The following SLC6A14 variants were observed in gnomAD, a reference collection of about 807,000 sequenced individuals.
SLC6A14 encodes sodium- and chloride-dependent neutral and basic amino acid transporter B(0+).
A neutral mutation model predicts 51.4 loss-of-function variants in SLC6A14; 21 were observed. The ratio of observed to expected loss-of-function variants is 0.41; its 90% CI spans 0.29 to 0.59. The LOEUF (loss-of-function observed/expected upper bound fraction) is 0.59, where lower values mean the gene tolerates loss of function less well. Ranked by LOEUF, SLC6A14 falls within the 20% of genes least tolerant of loss-of-function variation. The pLI, the probability that SLC6A14 is intolerant of heterozygous loss-of-function variation, is 0.31. For synonymous variants in SLC6A14, 177 were observed against 160.7 expected (o/e 1.10, Z -0.77); for missense variants, 371 against 472.8 (o/e 0.78, Z 2.00).
At chrX:116,436,823 A>G in intron 1 of SLC6A14, 66 bp downstream of exon 1, 1 of 1,033,616 alleles carries the variant, frequency 9.7e-7, no homozygotes, top group Non-Finnish European at 1.3e-6. Context: ...GGGGGTTGCT[A>G]GTCTCAGTTT....
Position 116,458,872 on chromosome X carries a change from G to A in SLC6A14, c.1846G>A (p.Glu616Lys), listed in dbSNP as rs371324045. The change falls in exon 14 of 14, where the codon GAA (glutamate) becomes AAA (lysine). Residue 616 changes from glutamate to lysine, a missense_variant. This residue lies in a region of SLC6A14 where 94 missense variants were observed against 81.0 expected (regional missense o/e 1.16). Transcript: ENST00000598581. ...TCCATACCTGGAACAACATCGTGGG[G>A]AAAGATATAAAGACATGGTAGATCC... is the stretch of plus-strand genomic sequence containing the variant. ...WGPYLEQHRG[E>K]RYKDMVDPKK... 146 of 1,201,438 alleles carry A rather than the reference G, an allele frequency of 1.2e-4. No homozygotes were observed. Among genetic ancestry groups the A allele is most frequent in the Admixed American group, 2.4e-4 (11 of 45,002 alleles).
At chrX:116,445,650 G>A (rs1714629149) in intron 6 of SLC6A14, among the ~76,000 whole-genome samples, 1 of 111,334 alleles carries the variant, frequency 9.0e-6, no homozygotes, top group Admixed American at 9.6e-5. Context: ...AAAACATTCT[G>A]TTATATTTTC....
intron 12 of SLC6A14, among the ~76,000 whole-genome samples, chrX:116,455,797 A>G (rs1411883383): frequency 9.0e-6 from 1 of 111,656 alleles, no homozygotes; most frequent in Non-Finnish European, 1.9e-5. Context: ...TTGAGCCATC[A>G]ATAATATTCC....
chrX:116,452,441 G>A (rs1927842268), intron 8 of SLC6A14, among the ~76,000 whole-genome samples: 1 of 111,233 alleles, frequency 9.0e-6, no homozygotes, highest in Non-Finnish European at 1.9e-5. Context: ...TTAAAACTGA[G>A]GATCACATAA....
At position 116,459,860 on chromosome X, in the gene SLC6A14, G is replaced by A. The variant is rs1556695040; in HGVS notation, c.*905G>A. The A allele has an allele frequency of 1.8e-5, 2 of 111,954 alleles. No individual in the cohort carries two copies. The highest frequency in any genetic ancestry group is 3.8e-5 in the Non-Finnish European group (2 of 53,056). The allele number at this position is 111,954 out of a possible 1,213,427, so 9.2% of individuals were successfully genotyped here. A position where few individuals can be genotyped will look rare whatever the true frequency, so the allele number is the denominator to read the frequency against. On this transcript the variant is annotated 3_prime_UTR_variant, in exon 14 of 14. Coordinates refer to ENST00000598581, the MANE Select transcript of SLC6A14 (RefSeq NM_007231.5). ...CATTTTATTACTGTAATACAGGGCTGATAGAGTGATTTTGTCTTATATGAG... is the reference window on the plus strand; with the variant it reads ...CATTTTATTACTGTAATACAGGGCTAATAGAGTGATTTTGTCTTATATGAG...
intron 6 of SLC6A14, 122 bp downstream of exon 6, chrX:116,445,172 G>C (rs1927681599): frequency 3.0e-6 from 2 of 673,473 alleles, no homozygotes. Flanking sequence ...TGTGTGAAAA[G>C]CTTTCTAAAT....
chrX:116,439,505 A>G (rs889584438), intron 2 of SLC6A14, among the ~76,000 whole-genome samples: 1 of 111,647 alleles, frequency 9.0e-6, no homozygotes, highest in Non-Finnish European at 1.9e-5. Context: ...ACAGTTTATT[A>G]AAGAGAAGTG....
Position 116,461,015 on chromosome X carries a change from C to T in SLC6A14, c.*2060C>T, listed in dbSNP as rs193240248. 1.3e-4 allele frequency: 15 copies of T among 111,484 alleles called. No homozygotes were observed. The highest frequency in any genetic ancestry group is 4.6e-4 in the African/African-American group (14 of 30,675). 9.2% of individuals were successfully genotyped at this position (111,484 alleles called of 1,213,427 possible). A position where few individuals can be genotyped will look rare whatever the true frequency, so the allele number is the denominator to read the frequency against. ...GAAATACTTTTCCTTAATTTTAATC[C>T]ACAGTATGTTACATGCATTCTACCA... On this transcript the variant is annotated 3_prime_UTR_variant, in exon 14 of 14. Transcript: ENST00000598581.
intron 12 of SLC6A14, 150 bp from the exon 13 acceptor site, chrX:116,457,459 G>A: frequency 2.3e-6 from 1 of 442,335 alleles, no homozygotes. Context: ...TTATCTTCTG[G>A]CTTGTTACCT....
rs991724103 is a variant in SLC6A14 at position 116,459,086 on chromosome X, A to G, written c.*131A>G. ...TTCATGATAGTGTGATTTTTTTCAC[A>G]TTTAAGCAGGAATGCAATATAAAAA... is the stretch of plus-strand genomic sequence containing the variant. On this transcript the variant is annotated 3_prime_UTR_variant, in exon 14 of 14. Transcript: ENST00000598581. The G allele has an allele frequency of 8.2e-6, 4 of 488,016 alleles. No homozygotes were observed. Among genetic ancestry groups the G allele is most frequent in the Non-Finnish European group, 1.3e-5 (4 of 309,949 alleles). 40.2% of individuals were successfully genotyped at this position (488,016 alleles called of 1,213,427 possible). A position where few individuals can be genotyped will look rare whatever the true frequency, so the allele number is the denominator to read the frequency against.
At chrX:116,446,922 A>G in intron 7 of SLC6A14, 41 bp downstream of exon 7, 2 of 1,122,494 alleles carry the variant, frequency 1.8e-6, no homozygotes, top group Non-Finnish European at 2.4e-6. Context: ...GAGGAGGTAA[A>G]TCTTAAAAGT....
chrX:116,446,634 T>G, intron 6 of SLC6A14, 107 bp from the exon 7 acceptor site: 1 of 593,487 alleles, frequency 1.7e-6, no homozygotes, highest in Admixed American at 2.9e-5. Flanking sequence ...TGAAATCCCC[T>G]GTACTTTATT....
chrX:116,447,938 T>C (rs1426103971), intron 7 of SLC6A14, among the ~76,000 whole-genome samples: 2 of 111,541 alleles, frequency 1.8e-5, no homozygotes, highest in African/African-American at 6.5e-5. Flanking sequence ...TTAGCACACA[T>C]TAAGCTTCTG....
At position 116,454,421 on chromosome X, in the gene SLC6A14, T is replaced by C; in HGVS notation, c.1383T>C (p.Leu461=). ...GCTGCTGCTTGGTTTTGTTTCTCCT[T>C]GGTCTCGTCTGTGTGACTCAGGTAT... ...TLGCCLVLFL[L]GLVCVTQAGI... is the part of the protein sequence containing the mutation. Residue 461 remains leucine, a synonymous_variant, in exon 10 of 14, where the codon CTT becomes CTC. Coordinates refer to ENST00000598581, the MANE Select transcript of SLC6A14 (RefSeq NM_007231.5). 9 of 1,176,084 alleles carry C rather than the reference T, an allele frequency of 7.7e-6. No homozygotes were observed. Among genetic ancestry groups the C allele is most frequent in the Non-Finnish European group, 1.0e-5 (9 of 865,268 alleles).
chrX:116,458,811 C>A lies in SLC6A14; in HGVS notation c.1785C>A (p.Arg595=). Reference sequence around the variant, plus strand: ...GATTTTTTGTTCTTGCATTTCAGCGCCTTATAAGTTGCTGCAGACCAGCTT... The same window carrying A: ...GATTTTTTGTTCTTGCATTTCAGCGACTTATAAGTTGCTGCAGACCAGCTT... The part of the protein sequence containing the change: ...IIQAKGNIFQ[R]LISCCRPASN... Residue 595 remains arginine (R), a splice_region_variant and synonymous_variant, in exon 14 of 14, where the codon CGC becomes CGA. Transcript: ENST00000598581. 8.5e-7 allele frequency: 1 copy of A among 1,179,224 alleles called. No individual in the cohort carries two copies. Among genetic ancestry groups the A allele is most frequent in the Non-Finnish European group, 1.1e-6 (1 of 881,847 alleles).
chrX:116,438,788 C>T (rs1556693475), intron 2 of SLC6A14, among the ~76,000 whole-genome samples: 10 of 111,883 alleles, frequency 8.9e-5, no homozygotes, highest in Non-Finnish European at 5.6e-5. Context: ...TAACTGGGTA[C>T]CAGTGAGACT....
intron 2 of SLC6A14, among the ~76,000 whole-genome samples, chrX:116,438,554 T>G (rs782561335): frequency 8.9e-6 from 1 of 112,098 alleles, no homozygotes; most frequent in Admixed American, 9.5e-5. Context: ...GGATTGTTGT[T>G]TTATTCCTGC....
At chrX:116,457,488 A>C (rs1167224813) in intron 12 of SLC6A14, 121 bp from the exon 13 acceptor site, 11 of 529,721 alleles carry the variant, frequency 2.1e-5, no homozygotes, top group Non-Finnish European at 2.0e-5. Flanking sequence ...CAATTATTTG[A>C]ATATATTTTC....
chrX:116,439,173 A>C (rs1356609793), intron 2 of SLC6A14, among the ~76,000 whole-genome samples: 2 of 111,628 alleles, frequency 1.8e-5, no homozygotes, highest in Non-Finnish European at 3.8e-5. Context: ...AATTGCCACA[A>C]ATTTCTAGGA....
Sources: allele counts gnomAD v4.1 joint callset (sites outside exome capture counted in the v4.1 genomes callset), GRCh38; gene constraint gnomAD v4.1.1; regional missense constraint gnomAD v4.1.1; transcripts MANE v1.5; gene names NCBI Gene and HGNC (gene_info 2026-07-23, HGNC 2026-07-21).